Variants in FOXN3 observed in about 807,000 individuals in gnomAD.
The protein encoded by FOXN3 is forkhead box protein N3.
A neutral mutation model predicts 38.4 loss-of-function variants in FOXN3; 7 were observed. The ratio of observed to expected loss-of-function variants is 0.18; its 90% CI spans 0.10 to 0.34. The LOEUF is 0.34. Among genes scored for constraint, FOXN3 ranks in the 10% least tolerant of loss-of-function variants. The pLI is 1.00. For synonymous variants in FOXN3, 230 were observed against 242.2 expected (o/e 0.95, Z 0.47); for missense variants, 456 against 613.4 (o/e 0.74, Z 2.71).
Position 89,160,734 on chromosome 14 carries a change from A to C in FOXN3, c.*1680T>G, listed in dbSNP as rs1422076475. The C allele has an allele frequency of 6.5e-6, 1 of 152,672 alleles. No individual in the cohort carries two copies. The highest frequency in any genetic ancestry group is 2.4e-5 in the African/African-American group (1 of 41,438). 9.5% of individuals were successfully genotyped at this position (152,672 alleles called of 1,614,324 possible). A position where few individuals can be genotyped will look rare whatever the true frequency, so the allele number is the denominator to read the frequency against. On this transcript the variant is annotated 3_prime_UTR_variant, in exon 6 of 6. Coordinates refer to ENST00000557258, the MANE Select transcript of FOXN3 (RefSeq NM_005197.4). Reference sequence around the variant, plus strand: ...AGGGGGTCGGGGCTGAAGTGCACACAAGGCAGTACAGAGTTCAACCATCCA... The same window carrying C: ...AGGGGGTCGGGGCTGAAGTGCACACCAGGCAGTACAGAGTTCAACCATCCA...
intron 4 of FOXN3, among the ~76,000 whole-genome samples, chr14:89,244,271 C>G (rs1885225283): frequency 6.6e-6 from 1 of 152,192 alleles, no homozygotes; most frequent in African/African-American, 2.4e-5. Context: ...CCTTATAATA[C>G]AAATGCAACC....
At chr14:89,570,276 G>T (rs956397637) in intron 1 of FOXN3, among the ~76,000 whole-genome samples, 1 of 152,152 alleles carries the variant, frequency 6.6e-6, no homozygotes, top group African/African-American at 2.4e-5. Flanking sequence ...TGGGATTACA[G>T]GCGTGAACCA....
intron 4 of FOXN3, among the ~76,000 whole-genome samples, chr14:89,249,923 TC>T (rs1273298524): frequency 6.6e-6 from 1 of 152,192 alleles, no homozygotes; most frequent in Non-Finnish European, 1.5e-5. Flanking sequence ...TCAATGGCCA[TC>T]AATAAAACTT....
At chr14:89,275,874 G>A (rs556948597) in intron 4 of FOXN3, among the ~76,000 whole-genome samples, 4 of 152,272 alleles carry the variant, frequency 2.6e-5, no homozygotes, top group African/African-American at 7.2e-5. Context: ...CCCTATTTTA[G>A]CTGTGGGGGT....
intron 2 of FOXN3, among the ~76,000 whole-genome samples, chr14:89,352,026 C>T (rs1275321219): frequency 1.3e-5 from 2 of 152,174 alleles, no homozygotes; most frequent in South Asian, 2.1e-4. Context: ...ATCAGCAAGC[C>T]GTGCAACTGG....
chr14:89,505,308 T>TCTCCCTCTGATGC (rs1893893220), intron 1 of FOXN3, among the ~76,000 whole-genome samples: 1 of 119,506 alleles, frequency 8.4e-6, no homozygotes, highest in Non-Finnish European at 1.7e-5. Context: ...CTCCCCACGG[T>TCTCCCTCTGATGC]CTCCCTCTGA....
At chr14:89,473,029 T>G (rs1446810736) in intron 1 of FOXN3, among the ~76,000 whole-genome samples, 3 of 151,882 alleles carry the variant, frequency 2.0e-5, no homozygotes, top group Admixed American at 2.0e-4. Flanking sequence ...TTATTTTTAT[T>G]TTTTATTTTT....
At chr14:89,268,183 C>T (rs1339308290) in intron 4 of FOXN3, among the ~76,000 whole-genome samples, 1 of 152,168 alleles carries the variant, frequency 6.6e-6, no homozygotes, top group Non-Finnish European at 1.5e-5. Flanking sequence ...CAGGAAGATA[C>T]CACCTACCTC....
At position 89,156,386 on chromosome 14, in the gene FOXN3, C is replaced by T. The variant is rs1159702449; in HGVS notation, c.*6028G>A. 2 of 152,618 alleles carry T rather than the reference C, an allele frequency of 1.3e-5. No individual in the cohort carries two copies. Among genetic ancestry groups the T allele is most frequent in the Admixed American group, 6.5e-5 (1 of 15,282 alleles). 9.5% of individuals were successfully genotyped at this position (152,618 alleles called of 1,614,324 possible). ...CAAGTCCCTAGAGTTCGGCTGATCG[C>T]GCCTGCCTCCACACTGTTTCTTTAG... On this transcript the variant is annotated 3_prime_UTR_variant, in exon 6 of 6. Coordinates refer to ENST00000557258, the MANE Select transcript of FOXN3 (RefSeq NM_005197.4).
chr14:89,259,327 T>G (rs368707078), intron 4 of FOXN3, among the ~76,000 whole-genome samples: 3 of 152,212 alleles, frequency 2.0e-5, no homozygotes, highest in African/African-American at 7.2e-5. Context: ...GTGTTTCTCT[T>G]GGGTAATGAG....
intron 1 of FOXN3, among the ~76,000 whole-genome samples, chr14:89,514,937 T>C (rs1215466435): frequency 6.6e-6 from 1 of 152,036 alleles, no homozygotes; most frequent in Non-Finnish European, 1.5e-5. Context: ...TTTTTTTTTT[T>C]CTGAGACGGA....
In FOXN3 at chr14:89,231,751, C is replaced by A. The variant is rs147520598; in HGVS notation, c.745+49199G>T. On this transcript the variant is annotated intron_variant, in intron 4 of 5. Transcript: ENST00000557258. ...TGTGCTCCAAATCGGACCTGCCTAC[C>A]TTGCGGTGCCTCTATGCTGGGGCAC... is the stretch of plus-strand genomic sequence containing the variant. 7.2e-4 allele frequency among the ~76,000 whole-genome samples: 109 copies of A among 152,256 alleles called. 1 individual carries two copies. The highest frequency in any genetic ancestry group is 2.1e-3 in the African/African-American group (86 of 41,538).
chr14:89,211,154 T>C (rs1376453887), intron 4 of FOXN3, among the ~76,000 whole-genome samples: 2 of 152,222 alleles, frequency 1.3e-5, no homozygotes, highest in Non-Finnish European at 2.9e-5. Context: ...CTGATGTCAC[T>C]CTACACGTTT....
At chr14:89,423,328 A>G (rs915130096) in intron 1 of FOXN3, among the ~76,000 whole-genome samples, 2 of 152,224 alleles carry the variant, frequency 1.3e-5, no homozygotes, top group South Asian at 2.1e-4. Flanking sequence ...ACTTCATAGG[A>G]CTGTTGTGAA....
chr14:89,281,879 C>A (rs1310934018), intron 3 of FOXN3, among the ~76,000 whole-genome samples: 1 of 152,164 alleles, frequency 6.6e-6, no homozygotes, highest in Non-Finnish European at 1.5e-5. Flanking sequence ...CAAAATAGTA[C>A]ATGACAAATT....
At chr14:89,513,131 G>C (rs1361721790) in intron 1 of FOXN3, among the ~76,000 whole-genome samples, 1 of 119,144 alleles carries the variant, frequency 8.4e-6, no homozygotes, top group African/African-American at 3.1e-5. Context: ...CTCGGCAACA[G>C]AGTGAGATTC....
Position 89,497,469 on chromosome 14 carries a change from C to T in FOXN3, c.-14-84979G>A, listed in dbSNP as rs1039396888. Among the ~76,000 whole-genome samples, 8 of 146,578 alleles carry T rather than the reference C, an allele frequency of 5.5e-5. No homozygotes were observed. In the East Asian group the frequency reaches 1.0e-3, roughly 18 times the overall value. Reference sequence around the variant, plus strand: ...TTGCCCAGGCTGGAGTGCAATGGCGCGATCTCGGCTCACTACAACCTCTGC... The same window carrying T: ...TTGCCCAGGCTGGAGTGCAATGGCGTGATCTCGGCTCACTACAACCTCTGC... On this transcript the variant is annotated intron_variant, in intron 1 of 6. Transcript: ENST00000345097.
chr14:89,341,972 A>C (rs759827866), intron 3 of FOXN3, among the ~76,000 whole-genome samples: 1 of 152,204 alleles, frequency 6.6e-6, no homozygotes, highest in Non-Finnish European at 1.5e-5. Context: ...CCAGGCACCT[A>C]CTAGGCCCAT....
At chr14:89,568,879 A>G (rs1208558899) in intron 1 of FOXN3, among the ~76,000 whole-genome samples, 2 of 152,222 alleles carry the variant, frequency 1.3e-5, no homozygotes, top group Non-Finnish European at 2.9e-5. Flanking sequence ...CCTTTCTTAG[A>G]TAAACTTCAA....
Sources: allele counts gnomAD v4.1 joint callset (sites outside exome capture counted in the v4.1 genomes callset), GRCh38; gene constraint gnomAD v4.1.1; transcripts MANE v1.5; gene names NCBI Gene and HGNC (gene_info 2026-07-23, HGNC 2026-07-21).